Variants in NFATC3 observed in about 807,000 individuals in gnomAD.
NFATC3 encodes nuclear factor of activated T cells 3, also known as nuclear factor of activated T-cells, cytoplasmic 3.
In NFATC3, 46 loss-of-function variants were observed where a neutral mutation model predicts 98.6. That is an observed-to-expected ratio of 0.47 (90% CI 0.37 to 0.60). NFATC3 has a LOEUF of 0.60. NFATC3 is among the 20% of genes least tolerant of loss of function. The probability of loss-of-function intolerance (pLI) is 0.00; values close to 1 mark genes in which losing one functional copy is unlikely to be tolerated. For synonymous variants in NFATC3, 512 were observed against 472.2 expected (o/e 1.08, Z -1.09); for missense variants, 1,256 against 1,295.5 (o/e 0.97, Z 0.47).
At chr16:68,195,394 A>G (rs2040621570) in intron 9 of NFATC3, among the ~76,000 whole-genome samples, 1 of 152,190 alleles carries the variant, frequency 6.6e-6, no homozygotes, top group Non-Finnish European at 1.5e-5. Context: ...GAAGAGCAGT[A>G]CACAATGGTG....
chr16:68,131,271 C>T (rs895891211), intron 3 of NFATC3, among the ~76,000 whole-genome samples: 1 of 151,984 alleles, frequency 6.6e-6, no homozygotes, highest in Non-Finnish European at 1.5e-5. Flanking sequence ...ACAACAACAA[C>T]TTTTTTTGTT....
chr16:68,190,320 T>C (rs1307477291), intron 8 of NFATC3, among the ~76,000 whole-genome samples: 1 of 152,212 alleles, frequency 6.6e-6, no homozygotes, highest in Non-Finnish European at 1.5e-5. Context: ...CCAGATGACT[T>C]GGTAGGCTTC....
chr16:68,095,309 G>C (rs2034956966), intron 1 of NFATC3, among the ~76,000 whole-genome samples: 1 of 150,414 alleles, frequency 6.6e-6, no homozygotes, highest in African/African-American at 2.5e-5. Context: ...AGTAGCTGAA[G>C]TAGCTGGGAT....
At chr16:68,097,756 T>A (rs1033890110) in intron 1 of NFATC3, among the ~76,000 whole-genome samples, 3 of 152,186 alleles carry the variant, frequency 2.0e-5, no homozygotes, top group African/African-American at 7.2e-5. Context: ...AACAACATAT[T>A]TAAAGTGTAC....
intron 9 of NFATC3, among the ~76,000 whole-genome samples, chr16:68,220,375 A>G (rs756160362): frequency 6.6e-6 from 1 of 152,052 alleles, no homozygotes; most frequent in Non-Finnish European, 1.5e-5. Context: ...AAATACAAAA[A>G]TTAGCTGGGT....
At chr16:68,198,576 T>C (rs2040768127) in intron 9 of NFATC3, among the ~76,000 whole-genome samples, 1 of 152,168 alleles carries the variant, frequency 6.6e-6, no homozygotes, top group African/African-American at 2.4e-5. Flanking sequence ...ATTTTCTCCA[T>C]AGAGCCTTGA....
intron 4 of NFATC3, among the ~76,000 whole-genome samples, chr16:68,161,446 A>G (rs2038888957): frequency 6.6e-6 from 1 of 152,248 alleles, no homozygotes; most frequent in Non-Finnish European, 1.5e-5. Flanking sequence ...AACATACTTC[A>G]TAATCTGAAA....
chr16:68,177,016 T>G (rs1369343369), intron 6 of NFATC3, among the ~76,000 whole-genome samples: 1 of 151,108 alleles, frequency 6.6e-6, no homozygotes, highest in Non-Finnish European at 1.5e-5. Flanking sequence ...ATATTTTTCT[T>G]TCTTTCTTTT....
At chr16:68,225,401 A>G (rs2042008258) in intron 9 of NFATC3, 2 of 152,232 alleles carry the variant, frequency 1.3e-5, no homozygotes, top group African/African-American at 4.8e-5. Flanking sequence ...AAATGGAATC[A>G]TATATGACCT....
Position 68,226,619 on chromosome 16 carries a change from G to A in NFATC3, c.*148G>A, listed in dbSNP as rs2042042518. ...GGAAAGTAGCATTCCTCCACCTCAG[G>A]CCTTGGGTAGATTTGGCAAAAGAAC... On this transcript the variant is annotated 3_prime_UTR_variant, in exon 10 of 10. Coordinates refer to ENST00000346183, the MANE Select transcript of NFATC3 (RefSeq NM_173165.3). The A allele has an allele frequency of 2.2e-6, 2 of 906,988 alleles. No individual in the cohort carries two copies. The allele number at this position is 906,988 out of a possible 1,614,324, so 56.2% of individuals were successfully genotyped here.
At chr16:68,172,833 T>C (rs1239424637) in intron 5 of NFATC3, among the ~76,000 whole-genome samples, 1 of 152,122 alleles carries the variant, frequency 6.6e-6, no homozygotes, top group African/African-American at 2.4e-5. Context: ...AAAAGAAGTA[T>C]AATCTACAGT....
intron 3 of NFATC3, among the ~76,000 whole-genome samples, chr16:68,149,344 A>G (rs2038198903): frequency 6.6e-6 from 1 of 152,248 alleles, no homozygotes; most frequent in African/African-American, 2.4e-5. Flanking sequence ...CTGGTCCAGT[A>G]GAAGAGACCT....
intron 9 of NFATC3, chr16:68,192,191 G>T (rs2040437750): frequency 8.1e-6 from 1 of 123,574 alleles, no homozygotes; most frequent in Non-Finnish European, 1.6e-5. Context: ...CTGGGCGGCA[G>T]AGCAAGACTC....
At chr16:68,172,784 C>T (rs1301515925) in intron 5 of NFATC3, among the ~76,000 whole-genome samples, 2 of 151,954 alleles carry the variant, frequency 1.3e-5, no homozygotes, top group African/African-American at 4.8e-5. Flanking sequence ...TTTCTGAAAT[C>T]CAACAAACAA....
At chr16:68,149,350 G>C (rs1207714299) in intron 3 of NFATC3, among the ~76,000 whole-genome samples, 1 of 152,202 alleles carries the variant, frequency 6.6e-6, no homozygotes, top group Non-Finnish European at 1.5e-5. Flanking sequence ...CAGTAGAAGA[G>C]ACCTGTAGAT....
intron 1 of NFATC3, among the ~76,000 whole-genome samples, chr16:68,095,907 A>G (rs1050239199): frequency 1.3e-5 from 2 of 152,258 alleles, no homozygotes; most frequent in African/African-American, 4.8e-5. Context: ...ATGCAGACAT[A>G]CAGAAGCATA....
In NFATC3 at chr16:68,122,005, G is replaced by T. The variant is rs761659796; in HGVS notation, c.122G>T (p.Cys41Phe). The stretch of plus-strand genomic sequence containing the variant: ...CCCGTAGATCTTGAGCCAGATGATT[G>T]TGCATCCATTTACATCTTTAATGTA... ...SRPADLEPDD[C>F]ASIYIFNVDP... The change falls in exon 2 of 10, where the codon TGT becomes TTT. Residue 41 changes from cysteine (C) to phenylalanine (F), a missense_variant. Coordinates refer to ENST00000346183, the MANE Select transcript of NFATC3 (RefSeq NM_173165.3). The T allele has an allele frequency of 6.9e-6, 11 of 1,588,064 alleles. No individual in the cohort carries two copies. The highest frequency in any genetic ancestry group is 1.4e-5 in the African/African-American group (1 of 72,354).
At chr16:68,095,952 A>T (rs1360732525) in intron 1 of NFATC3, among the ~76,000 whole-genome samples, 1 of 152,198 alleles carries the variant, frequency 6.6e-6, no homozygotes, top group Non-Finnish European at 1.5e-5. Context: ...CAAAATTGAG[A>T]TAGTAAAGTG....
In NFATC3 at chr16:68,085,431, T is replaced by G; in HGVS notation, c.-251T>G. On this transcript the variant is annotated 5_prime_UTR_variant, in exon 1 of 10. Coordinates refer to ENST00000346183, the MANE Select transcript of NFATC3 (RefSeq NM_173165.3). Reference sequence around the variant, plus strand: ...GACTGTGGGGGGGCGGCGGGGAACATTGGCTAAGCCGACAGTGGAGGCTTA... The same window carrying G: ...GACTGTGGGGGGGCGGCGGGGAACAGTGGCTAAGCCGACAGTGGAGGCTTA... 3.2e-6 allele frequency: 1 copy of G among 310,012 alleles called. No individual in the cohort carries two copies. The allele number at this position is 310,012 out of a possible 1,614,324, so 19.2% of individuals were successfully genotyped here.
Sources: allele counts gnomAD v4.1 joint callset (sites outside exome capture counted in the v4.1 genomes callset), GRCh38; gene constraint gnomAD v4.1.1; transcripts MANE v1.5; gene names NCBI Gene and HGNC (gene_info 2026-07-23, HGNC 2026-07-21).